Variants in CAPZB observed in about 807,000 individuals in gnomAD.
CAPZB encodes the protein capping actin protein of muscle Z-line subunit beta, also known as F-actin-capping protein subunit beta.
A neutral mutation model predicts 38.1 loss-of-function variants in CAPZB; 2 were observed. The ratio of observed to expected loss-of-function variants is 0.05; its 90% CI spans 0.02 to 0.17. The LOEUF (loss-of-function observed/expected upper bound fraction) is 0.17, where lower values mean the gene tolerates loss of function less well. Among genes scored for constraint, CAPZB ranks in the 10% least tolerant of loss-of-function variants. The probability of loss-of-function intolerance (pLI) is 1.00; values close to 1 mark genes in which losing one functional copy is unlikely to be tolerated. For missense variants in CAPZB, 161 were observed against 334.2 expected, an observed-to-expected ratio of 0.48 and a Z score of 4.04; for synonymous variants, 107 against 127.4, an observed-to-expected ratio of 0.84 and a Z score of 1.08.
intron 1 of CAPZB, among the ~76,000 whole-genome samples, chr1:19,447,056 C>CA (rs1403129773): frequency 6.6e-5 from 10 of 152,064 alleles, no homozygotes; most frequent in Admixed American, 1.3e-4. Context: ...CCCCACTGCC[C>CA]AAAAAATGAC....
At chr1:19,389,110 A>G (rs2100239069) in intron 2 of CAPZB, among the ~76,000 whole-genome samples, 1 of 152,272 alleles carries the variant, frequency 6.6e-6, no homozygotes, top group African/African-American at 2.4e-5. Context: ...ATGGGGAATG[A>G]GAAATGTGGA....
intron 8 of CAPZB, 36 bp downstream of exon 8, chr1:19,344,322 G>C: frequency 1.9e-6 from 3 of 1,553,894 alleles, no homozygotes; most frequent in Non-Finnish European, 2.7e-6. Context: ...AAATCCCTCT[G>C]TCTGCTTCTA....
chr1:19,414,029 C>A (rs544643209), intron 2 of CAPZB, among the ~76,000 whole-genome samples: 1 of 152,226 alleles, frequency 6.6e-6, no homozygotes, highest in Non-Finnish European at 1.5e-5. Flanking sequence ...TCATCCTTAA[C>A]GTCACCAGTC....
intron 1 of CAPZB, among the ~76,000 whole-genome samples, chr1:19,475,533 C>T (rs915971186): frequency 6.6e-6 from 1 of 152,228 alleles, no homozygotes; most frequent in Non-Finnish European, 1.5e-5. Context: ...AGCAGCAGAA[C>T]CGCTCAAGAG....
At chr1:19,410,200 T>C (rs2094351229) in intron 2 of CAPZB, among the ~76,000 whole-genome samples, 1 of 152,192 alleles carries the variant, frequency 6.6e-6, no homozygotes, top group African/African-American at 2.4e-5. Flanking sequence ...GCCTTTAAAT[T>C]AAATGTACCA....
chr1:19,417,671 T>C (rs1348866916), intron 2 of CAPZB, among the ~76,000 whole-genome samples: 1 of 152,144 alleles, frequency 6.6e-6, no homozygotes, highest in African/African-American at 2.4e-5. Flanking sequence ...CTTTCAAGGA[T>C]ACCTCCTACC....
At chr1:19,416,979 C>T (rs936654410) in intron 2 of CAPZB, among the ~76,000 whole-genome samples, 1 of 151,318 alleles carries the variant, frequency 6.6e-6, no homozygotes, top group Non-Finnish European at 1.5e-5. Flanking sequence ...TGTCCAAGTA[C>T]CATCCTGCAA....
intron 4 of CAPZB, among the ~76,000 whole-genome samples, chr1:19,362,136 CAG>C (rs2094056195): frequency 6.6e-6 from 1 of 152,202 alleles, no homozygotes; most frequent in Non-Finnish European, 1.5e-5. Context: ...AGGAAAATCC[CAG>C]AGAGTCCCTG....
chr1:19,374,106 C>T (rs542901785), intron 4 of CAPZB: 2 of 152,426 alleles, frequency 1.3e-5, no homozygotes, highest in South Asian at 2.1e-4. Context: ...AACATGCCCA[C>T]AGACAGCAAG....
intron 8 of CAPZB, chr1:19,343,006 G>C: frequency 1.5e-6 from 1 of 664,770 alleles, no homozygotes; most frequent in East Asian, 2.7e-5. Flanking sequence ...CTGGGGTGTG[G>C]AGTGGTATCG....
In CAPZB at chr1:19,398,282, C is replaced by T. The variant is rs538498556; in HGVS notation, c.94-12656G>A. ...AGGCGAGGTGCTGAGCCCTGTACTC[C>T]TCGCCCCAGGGGTCCTGATAGCCCC... On this transcript the variant is annotated intron_variant, in intron 2 of 8. Transcript: ENST00000264202. 1.4e-4 allele frequency among the ~76,000 whole-genome samples: 21 copies of T among 147,826 alleles called. No homozygotes were observed. In the South Asian group the frequency reaches 4.5e-3, roughly 32 times the overall value.
intron 2 of CAPZB, among the ~76,000 whole-genome samples, chr1:19,392,335 G>A (rs2094240946): frequency 6.6e-6 from 1 of 151,960 alleles, no homozygotes; most frequent in Non-Finnish European, 1.5e-5. Flanking sequence ...AGACTGCAGG[G>A]AAAAATAACA....
intron 1 of CAPZB, chr1:19,484,290 C>T (rs2094642379): frequency 6.2e-7 from 1 of 1,609,808 alleles, no homozygotes; most frequent in Admixed American, 1.7e-5. Context: ...CGTGTCCAGG[C>T]CATATGCTGG....
chr1:19,412,562 T>C (rs1186343467), intron 2 of CAPZB, among the ~76,000 whole-genome samples: 1 of 152,174 alleles, frequency 6.6e-6, no homozygotes, highest in Non-Finnish European at 1.5e-5. Flanking sequence ...TAACTTCAGA[T>C]GAATGCCACA....
chr1:19,339,659 C>T, intron 8 of CAPZB, 42 bp from the exon 9 acceptor site: 1 of 1,482,300 alleles, frequency 6.7e-7, no homozygotes, highest in Non-Finnish European at 9.4e-7. Context: ...TGAACAGGGA[C>T]TGGTGAGGCG....
At chr1:19,394,440 G>T (rs940123513) in intron 2 of CAPZB, among the ~76,000 whole-genome samples, 14 of 152,248 alleles carry the variant, frequency 9.2e-5, no homozygotes, top group African/African-American at 2.9e-4. Context: ...GCAAGCGATG[G>T]CTGGGCACAG....
rs770295830 is a variant in CAPZB, at chr1:19,484,218, G to T, written c.3+1218C>A. ...ATCCGAGGGACTTCCATAATCAGCA[G>T]TTCCAACCCTTGCAAGCTGACAGTT... On this transcript the variant is annotated intron_variant, in intron 1 of 8. Transcript: ENST00000264202. The T allele has an allele frequency of 5.0e-6, 8 of 1,612,522 alleles. No individual in the cohort carries two copies. The Admixed American group carries it at 6.7e-5, about 13-fold the overall frequency.
intron 3 of CAPZB, among the ~76,000 whole-genome samples, chr1:19,382,457 G>C (rs576533067): frequency 6.6e-6 from 1 of 152,076 alleles, no homozygotes; most frequent in South Asian, 2.1e-4. Flanking sequence ...TGCTGGCAAC[G>C]GTCACACCAT....
chr1:19,342,966 C>A, intron 8 of CAPZB: 1 of 763,290 alleles, frequency 1.3e-6, no homozygotes, highest in Non-Finnish European at 2.3e-6. Context: ...GGGAGACCCA[C>A]GAGGCGGAAG....
Sources: allele counts gnomAD v4.1 joint callset (sites outside exome capture counted in the v4.1 genomes callset), GRCh38; gene constraint gnomAD v4.1.1; transcripts MANE v1.5; gene names NCBI Gene and HGNC (gene_info 2026-07-23, HGNC 2026-07-21).